The following PRC1 variants were observed in gnomAD, a reference collection of about 807,000 sequenced individuals.
The protein encoded by PRC1 is anaphase spindle elongation 1 homolog.
Under a neutral mutation model 91.2 loss-of-function variants are expected in PRC1, and 54 were observed. That is an observed-to-expected ratio of 0.59 (90% confidence interval 0.48 to 0.74). The LOEUF (loss-of-function observed/expected upper bound fraction) is 0.74. Ranked by LOEUF, PRC1 falls within the 30% of genes least tolerant of loss-of-function variation. PRC1 has a pLI of 0.00. For synonymous variants in PRC1, 275 were observed against 263.6 expected (o/e 1.04, Z -0.42); for missense variants, 727 against 746.2 (o/e 0.97, Z 0.30).
At position 90,969,477 on chromosome 15, in the gene PRC1, AT is replaced by A; in HGVS notation, c.1718del (p.Asn573IlefsTer52). 1.9e-6 allele frequency: 3 copies of A among 1,610,386 alleles called. No homozygotes were observed. Among genetic ancestry groups the A allele is most frequent in the Non-Finnish European group, 2.5e-6 (3 of 1,178,332 alleles). ...ACTCAGAATAGGTGCTGGCAACAGA[AT>A]TAATGCTGAAGTTGCGCTGGAGGGG... ...SAPLQRNFSI[N>X]SVASTYSEFA... On this transcript the variant is annotated frameshift_variant, in exon 13 of 15. Transcript: ENST00000394249. LOFTEE classifies it high-confidence loss of function.
At chr15:90,976,084 T>C (rs915762476) in intron 9 of PRC1, among the ~76,000 whole-genome samples, 7 of 152,066 alleles carry the variant, frequency 4.6e-5, no homozygotes, top group Admixed American at 1.3e-4. Flanking sequence ...TAGTGTTTTG[T>C]TTTTTTGTTT....
intron 14 of PRC1, chr15:90,968,377 TAAGAGGGGA>T: frequency 1.0e-6 from 1 of 985,464 alleles, no homozygotes; most frequent in Non-Finnish European, 1.2e-6. Flanking sequence ...CTGCAGCAAT[TAAGAGGGGA>T]GGCAGGCTAG....
Position 90,970,426 on chromosome 15 carries a change from C to T in PRC1, c.1550G>A (p.Arg517Gln), listed in dbSNP as rs201630358. The T allele has an allele frequency of 1.0e-4, 165 of 1,610,704 alleles. No individual in the cohort carries two copies. Among genetic ancestry groups the T allele is most frequent in the Non-Finnish European group, 1.3e-4 (149 of 1,177,074 alleles). ...AACCTTGCTGCCAGAAGGAGGAAGT[C>T]GAGACACGGGGGAGTGGTAGACTGT... is the stretch of plus-strand genomic sequence containing the variant. ...GGTVYHSPVS[R>Q]LPPSGSKPVA... is the part of the protein sequence containing the mutation. The change falls in exon 12 of 15, where the codon CGA becomes CAA. Residue 517 changes from arginine (R) to glutamine (Q), a missense_variant. Arg to Gln is a conservative substitution (Grantham distance 43). Transcript: ENST00000394249.
rs145664899 is a variant in PRC1, at chr15:90,969,496, T to C, written c.1700A>G (p.Gln567Arg). 4 of 1,611,910 alleles carry C rather than the reference T, an allele frequency of 2.5e-6. No homozygotes were observed. Among genetic ancestry groups the C allele is most frequent in the African/African-American group, 1.3e-5 (1 of 74,764 alleles). Residue 567 changes from glutamine (Q) to arginine (R), a missense_variant, in exon 13 of 15, where the codon CAG becomes CGG. By Grantham distance (43) the Gln-to-Arg change is conservative. Coordinates refer to ENST00000394249, the MANE Select transcript of PRC1 (RefSeq NM_003981.4). The part of the protein sequence containing the change: ...SGGYPGSAPL[Q>R]RNFSINSVAS... ...AACAGAATTAATGCTGAAGTTGCGC[T>C]GGAGGGGGGCCGAGCCAGGGTACCC...
At chr15:90,980,440 C>T in intron 6 of PRC1, 51 bp from the exon 7 acceptor site, 1 of 1,579,740 alleles carries the variant, frequency 6.3e-7, no homozygotes, top group Non-Finnish European at 8.6e-7. Flanking sequence ...TATATTCACT[C>T]AGGTTTGCAA....
rs1467891522 is a variant in PRC1, at chr15:90,967,126, G to A, written c.*5C>T. On this transcript the variant is annotated 3_prime_UTR_variant, in exon 15 of 15. Coordinates refer to ENST00000394249, the MANE Select transcript of PRC1 (RefSeq NM_003981.4). ...AGCCACAGCTGGTTGACTGATCAGG[G>A]CTTCTCAGGACTGGATGTTGGTTGA... 6.2e-7 allele frequency: 1 copy of A among 1,612,476 alleles called. No individual in the cohort carries two copies. The highest frequency in any genetic ancestry group is 1.3e-5 in the African/African-American group (1 of 74,896).
At chr15:90,982,139 A>G in intron 3 of PRC1, 158 bp from the exon 4 acceptor site, 1 of 691,764 alleles carries the variant, frequency 1.4e-6, no homozygotes, top group Admixed American at 2.8e-5. Flanking sequence ...GGGTCTCCTA[A>G]GGAAGGTCCC....
At chr15:90,989,339 C>G (rs752292322) in intron 1 of PRC1, among the ~76,000 whole-genome samples, 6 of 151,700 alleles carry the variant, frequency 4.0e-5, no homozygotes, top group Admixed American at 6.6e-5. Flanking sequence ...CCTCAACGCC[C>G]TGGGCTCAAG....
chr15:90,968,039 G>C (rs902480312), intron 14 of PRC1: 6 of 985,214 alleles, frequency 6.1e-6, no homozygotes, highest in Non-Finnish European at 7.2e-6. Flanking sequence ...TATTGAGAAA[G>C]ACAGATATTA....
In PRC1 at chr15:90,967,057, A is replaced by G; in HGVS notation, c.*74T>C. On this transcript the variant is annotated 3_prime_UTR_variant, in exon 15 of 15. Coordinates refer to ENST00000394249, the MANE Select transcript of PRC1 (RefSeq NM_003981.4). ...TCAAGCACGCCTAAGCTGAAGAAAAACTAAAGTCACCCCCATATAATTAGG... is the reference window on the plus strand; with the variant it reads ...TCAAGCACGCCTAAGCTGAAGAAAAGCTAAAGTCACCCCCATATAATTAGG... 1 of 1,391,794 alleles carries G rather than the reference A, an allele frequency of 7.2e-7. No homozygotes were observed. The highest frequency in any genetic ancestry group is 2.3e-5 in the East Asian group (1 of 43,702). The allele number at this position is 1,391,794 out of a possible 1,614,324, so 86.2% of individuals were successfully genotyped here.
At chr15:90,977,949 G>A (rs1188131231) in intron 8 of PRC1, among the ~76,000 whole-genome samples, 1 of 152,158 alleles carries the variant, frequency 6.6e-6, no homozygotes, top group African/African-American at 2.4e-5. Context: ...TGAGGACAAA[G>A]ACATCTGTTC....
chr15:90,984,685 C>T lies in PRC1; in HGVS notation c.144+8G>A. On this transcript the variant is annotated splice_region_variant and intron_variant, in intron 2 of 14. Transcript: ENST00000394249. This position sits in a 1 kb window ranked among gnomAD's most constrained non-coding sequence, Gnocchi z 5.1. ...GTCCAATGCAGAGACCAGTACTATT[C>T]AACCCACCTTGATATGCTTCTTTAC... is the stretch of plus-strand genomic sequence containing the variant. 1 of 1,614,060 alleles carries T rather than the reference C, an allele frequency of 6.2e-7. No individual in the cohort carries two copies. The highest frequency in any genetic ancestry group is 8.5e-7 in the Non-Finnish European group (1 of 1,179,964).
At chr15:90,983,820 C>T (rs1264740564) in intron 3 of PRC1, 198 bp downstream of exon 3, 5 of 577,842 alleles carry the variant, frequency 8.7e-6, no homozygotes, top group Non-Finnish European at 1.4e-5. Flanking sequence ...AGTTGCTTCA[C>T]CTCTTACCAG....
intron 5 of PRC1, 91 bp from the exon 6 acceptor site, chr15:90,981,124 G>C (rs1446391956): frequency 1.3e-6 from 2 of 1,526,400 alleles, no homozygotes; most frequent in East Asian, 2.3e-5. Flanking sequence ...CTGGAGTAGA[G>C]GAGGAGGCAC....
In PRC1 at chr15:90,970,436, G is replaced by A. The variant is rs1180144034; in HGVS notation, c.1540C>T (p.Pro514Ser). 1 of 1,612,566 alleles carries A rather than the reference G, an allele frequency of 6.2e-7. No homozygotes were observed. Among genetic ancestry groups the A allele is most frequent in the Admixed American group, 1.7e-5 (1 of 59,996 alleles). Residue 514 changes from proline to serine, a missense_variant, in exon 12 of 15, where the codon CCC becomes TCC. Physicochemically the swap from Pro to Ser is moderately conservative, Grantham distance 74. Coordinates refer to ENST00000394249, the MANE Select transcript of PRC1 (RefSeq NM_003981.4). ...CCAGAAGGAGGAAGTCGAGACACGGGGGAGTGGTAGACTGTCCCTCCAAAG... is the reference window on the plus strand; with the variant it reads ...CCAGAAGGAGGAAGTCGAGACACGGAGGAGTGGTAGACTGTCCCTCCAAAG... ...PIFGGTVYHS[P>S]VSRLPPSGSK...
chr15:90,994,289 A>T, intron 1 of PRC1, 118 bp downstream of exon 1: 1 of 1,489,056 alleles, frequency 6.7e-7, no homozygotes, highest in Non-Finnish European at 9.1e-7. Flanking sequence ...CTCGGCGCCG[A>T]CTGCCGTGAC....
At chr15:90,980,533 T>TG (rs35072629) in intron 6 of PRC1, 144 bp from the exon 7 acceptor site, 22,393 of 975,528 alleles carry the variant, frequency 0.023, 224 homozygotes, top group African/African-American at 0.11. Context: ...TTTTTTTTTT[T>TG]TTTGAGACAG....
rs1407313069 is a variant in PRC1 at position 90,979,044 on chromosome 15, A to G, written c.1107+114T>C. The stretch of plus-strand genomic sequence containing the variant: ...AGGCGGTCAGCAGAAATTCAGAGAG[A>G]CTTAATGATAAAGATGGGGTATCAA... On this transcript the variant is annotated intron_variant, in intron 8 of 14. Coordinates refer to ENST00000394249, the MANE Select transcript of PRC1 (RefSeq NM_003981.4). 30 of 1,284,388 alleles carry G rather than the reference A, an allele frequency of 2.3e-5. No homozygotes were observed. The East Asian group carries it at 6.4e-4, about 27-fold the overall frequency. 79.6% of individuals were successfully genotyped at this position (1,284,388 alleles called of 1,614,324 possible). A position where few individuals can be genotyped will look rare whatever the true frequency, so the allele number is the denominator to read the frequency against.
At chr15:90,970,568 T>G in intron 11 of PRC1, 54 bp from the exon 12 acceptor site, 27 of 1,274,366 alleles carry the variant, frequency 2.1e-5, no homozygotes, top group Non-Finnish European at 3.0e-5. Context: ...TCAGCATTTC[T>G]AGCAACCTGT....
Sources: gnomAD v4.1 joint callset for allele counts (sites outside exome capture counted in the v4.1 genomes callset) on GRCh38, gnomAD v4.1.1 for gene constraint, Gnocchi (gnomAD v3.1) non-coding constraint, MANE v1.5 for transcripts, NCBI Gene and HGNC (gene_info 2026-07-23, HGNC 2026-07-21) for gene names.